Variants in TANC2 observed in about 807,000 individuals in gnomAD.
TANC2 encodes protein TANC2.
In TANC2, 26 loss-of-function variants were observed where a neutral mutation model predicts 210.5. The observed-to-expected ratio is 0.12, with a 90% confidence interval of 0.09 to 0.17. TANC2 has a LOEUF of 0.17. TANC2 is among the 10% of genes least tolerant of loss of function. TANC2 has a pLI of 1.00. For missense variants in TANC2, 2,129 were observed against 2,608.9 expected (o/e 0.82, Z 4.01); for synonymous variants, 931 against 967.1 (o/e 0.96, Z 0.69).
chr17:63,162,391 C>A (rs1472826881), intron 5 of TANC2, among the ~76,000 whole-genome samples: 1 of 151,670 alleles, frequency 6.6e-6, no homozygotes, highest in Non-Finnish European at 1.5e-5. Context: ...TCAAAGAATT[C>A]TGTGATGAAA....
intron 5 of TANC2, among the ~76,000 whole-genome samples, chr17:63,187,040 C>T (rs1379173160): frequency 6.6e-6 from 1 of 152,024 alleles, no homozygotes; most frequent in Non-Finnish European, 1.5e-5. Context: ...AAGATGAGAC[C>T]CTCTTCATAT....
chr17:63,306,217 G>C (rs2146526605), intron 9 of TANC2, among the ~76,000 whole-genome samples: 1 of 152,286 alleles, frequency 6.6e-6, no homozygotes, highest in South Asian at 2.1e-4. Flanking sequence ...TGATACAAGA[G>C]ATCTTTCTAA....
chr17:63,001,629 T>C (rs2033390802), intron 1 of TANC2, among the ~76,000 whole-genome samples: 1 of 151,724 alleles, frequency 6.6e-6, no homozygotes. Context: ...GCTGCACCCT[T>C]TGCCATCCGG....
chr17:63,089,421 T>G (rs2037098241), intron 3 of TANC2, among the ~76,000 whole-genome samples: 1 of 152,032 alleles, frequency 6.6e-6, no homozygotes, highest in Non-Finnish European at 1.5e-5. Context: ...TAATGATAAG[T>G]GCTGTGTGAA....
At chr17:63,292,873 A>G (rs2044422724) in intron 9 of TANC2, among the ~76,000 whole-genome samples, 1 of 152,202 alleles carries the variant, frequency 6.6e-6, no homozygotes, top group Non-Finnish European at 1.5e-5. Context: ...AATATCAATA[A>G]CATAAGCAGC....
At chr17:63,300,647 T>A (rs552020404) in intron 9 of TANC2, among the ~76,000 whole-genome samples, 1 of 152,336 alleles carries the variant, frequency 6.6e-6, no homozygotes, top group South Asian at 2.1e-4. Context: ...GAGACTTTGT[T>A]GAAGTTGCTT....
At chr17:63,197,885 TTAAGTAAA>T (rs1280674750) in intron 6 of TANC2, 2 of 152,236 alleles carry the variant, frequency 1.3e-5, no homozygotes, top group African/African-American at 4.8e-5. Context: ...ACTAGTCTCC[TTAAGTAAA>T]TATGAGGCCT....
chr17:63,412,735 G>C lies in TANC2; in HGVS notation c.3928+26G>C. ...GTATATTTCACCGCTGTCAGCATCA[G>C]GCGTGGTCTGATGGCTTGGTCAGCT... is the stretch of plus-strand genomic sequence containing the variant. On this transcript the variant is annotated intron_variant, in intron 24 of 27. Coordinates refer to ENST00000689528, the Ensembl canonical transcript of TANC2. This position sits in a 1 kb window ranked among gnomAD's most constrained non-coding sequence, Gnocchi z 4.2. 1 of 1,535,592 alleles carries C rather than the reference G, an allele frequency of 6.5e-7. No homozygotes were observed. The highest frequency in any genetic ancestry group is 2.4e-5 in the East Asian group (1 of 40,896).
At chr17:63,213,671 G>T (rs751197585) in intron 7 of TANC2, among the ~76,000 whole-genome samples, 2 of 152,074 alleles carry the variant, frequency 1.3e-5, no homozygotes, top group East Asian at 3.8e-4. Flanking sequence ...AAATCTCATT[G>T]GGGAAGGTGC....
Position 62,966,956 on chromosome 17 carries a change from T to C in TANC2, c.-24+207T>C, listed in dbSNP as rs1325823109. On this transcript the variant is annotated intron_variant, in intron 1 of 27. Coordinates refer to ENST00000689528, the Ensembl canonical transcript of TANC2. The surrounding 1 kb of genome is among the most constrained non-coding windows in gnomAD (Gnocchi z 5.1). The stretch of plus-strand genomic sequence containing the variant: ...TTCAGAGGCGTGTGGGGTCGCCACT[T>C]GGCTGTCACCGAAGATGTCATGGAA... 1 of 152,184 alleles carries C rather than the reference T, an allele frequency of 6.6e-6. No homozygotes were observed. Among genetic ancestry groups the C allele is most frequent in the Non-Finnish European group, 1.5e-5 (1 of 68,050 alleles). 9.4% of individuals were successfully genotyped at this position (152,184 alleles called of 1,614,324 possible). A position where few individuals can be genotyped will look rare whatever the true frequency, so the allele number is the denominator to read the frequency against.
At chr17:63,407,687 G>T (rs1439200750) in intron 21 of TANC2, among the ~76,000 whole-genome samples, 1 of 152,232 alleles carries the variant, frequency 6.6e-6, no homozygotes, top group Non-Finnish European at 1.5e-5. Context: ...ACTATAACCT[G>T]TGCCCTCAAA....
intron 6 of TANC2, among the ~76,000 whole-genome samples, chr17:63,196,747 T>C (rs1368091274): frequency 2.0e-5 from 3 of 152,228 alleles, no homozygotes; most frequent in Admixed American, 2.0e-4. Context: ...ATATTTTTCA[T>C]AGGTAATAAT....
chr17:63,006,039 G>GA (rs1334851136), intron 1 of TANC2, among the ~76,000 whole-genome samples: 1 of 151,546 alleles, frequency 6.6e-6, no homozygotes, highest in African/African-American at 2.4e-5. Context: ...ATTTTTCAAA[G>GA]AATTTATACA....
At chr17:63,071,071 A>G (rs2036378194) in intron 2 of TANC2, among the ~76,000 whole-genome samples, 1 of 152,194 alleles carries the variant, frequency 6.6e-6, no homozygotes, top group Non-Finnish European at 1.5e-5. Flanking sequence ...AAGAAAATGT[A>G]TCGTATTTTC....
In TANC2 at chr17:63,178,467, CT is replaced by C. The variant is rs149537017; in HGVS notation, c.434-15519del. ...GAAGGATGTGGAAGAGCTTCCGTGC[CT>C]TTTTCAACATTTGTTGTGACAAATT... On this transcript the variant is annotated intron_variant, in intron 5 of 27. Coordinates refer to ENST00000689528, the Ensembl canonical transcript of TANC2. Among the ~76,000 whole-genome samples, 658 of 152,294 alleles carry C rather than the reference CT, an allele frequency of 4.3e-3. 6 individuals carry two copies. The highest frequency in any genetic ancestry group is 0.014 in the African/African-American group (574 of 41,562).
At chr17:63,317,714 T>C (rs2045358222) in intron 10 of TANC2, among the ~76,000 whole-genome samples, 1 of 152,244 alleles carries the variant, frequency 6.6e-6, no homozygotes, top group Admixed American at 6.5e-5. Context: ...AAGTCTCTTT[T>C]GCCAGTGTGC....
intron 9 of TANC2, among the ~76,000 whole-genome samples, chr17:63,313,006 C>T (rs929627664): frequency 9.9e-5 from 15 of 152,116 alleles, no homozygotes; most frequent in Admixed American, 7.9e-4. Flanking sequence ...TGTATGTGTG[C>T]GTGTGTCTGT....
chr17:63,033,422 G>A (rs900939754), intron 2 of TANC2, among the ~76,000 whole-genome samples: 1 of 152,028 alleles, frequency 6.6e-6, no homozygotes, highest in African/African-American at 2.4e-5. Flanking sequence ...ATCTCTCCTG[G>A]TAGTAAAATA....
At chr17:63,186,334 G>A (rs2040981434) in intron 5 of TANC2, among the ~76,000 whole-genome samples, 1 of 147,742 alleles carries the variant, frequency 6.8e-6, no homozygotes, top group African/African-American at 2.5e-5. Context: ...TAAGCAGTAT[G>A]CCCTTCTCTC....
Sources: gnomAD v4.1 joint callset for allele counts (sites outside exome capture counted in the v4.1 genomes callset) on GRCh38, gnomAD v4.1.1 for gene constraint, Gnocchi (gnomAD v3.1) non-coding constraint, MANE v1.5 for transcripts, NCBI Gene and HGNC (gene_info 2026-07-23, HGNC 2026-07-21) for gene names.